Variants in ARHGAP32 observed in about 807,000 individuals in gnomAD.
ARHGAP32 encodes the protein Rho GTPase activating protein 32.
In ARHGAP32, 51 loss-of-function variants were observed where a neutral mutation model predicts 186.5. The ratio of observed to expected loss-of-function variants is 0.27; its 90% CI spans 0.22 to 0.35. ARHGAP32 has a LOEUF of 0.35. ARHGAP32 is among the 10% of genes least tolerant of loss of function. The pLI is 1.00. For missense variants in ARHGAP32, 2,186 were observed against 2,623.5 expected (o/e 0.83, Z 3.64); for synonymous variants, 950 against 964.3 (o/e 0.99, Z 0.27).
At chr11:129,161,163 T>C (rs546386490) in intron 2 of ARHGAP32, among the ~76,000 whole-genome samples, 5 of 152,038 alleles carry the variant, frequency 3.3e-5, no homozygotes, top group Admixed American at 6.6e-5. Flanking sequence ...TCAAAATGAA[T>C]TAAAGACTTA....
intron 10 of ARHGAP32, among the ~76,000 whole-genome samples, chr11:129,059,630 G>A (rs1280554593): frequency 6.6e-6 from 1 of 150,636 alleles, no homozygotes; most frequent in African/African-American, 2.4e-5. Flanking sequence ...CTCCCAAGCA[G>A]CTGGGATTAC....
intron 1 of ARHGAP32, among the ~76,000 whole-genome samples, chr11:129,237,509 G>A (rs935534412): frequency 7.2e-5 from 11 of 152,174 alleles, no homozygotes; most frequent in African/African-American, 2.7e-4. Context: ...AATGAAGAAT[G>A]CTCAGGACTG....
At chr11:129,143,341 G>A (rs1446349984) in intron 2 of ARHGAP32, among the ~76,000 whole-genome samples, 1 of 151,878 alleles carries the variant, frequency 6.6e-6, no homozygotes, top group Non-Finnish European at 1.5e-5. Context: ...AGTTACCCAT[G>A]GTCAACCTCG....
chr11:129,270,633 A>G (rs1945462167), intron 1 of ARHGAP32, among the ~76,000 whole-genome samples: 1 of 151,992 alleles, frequency 6.6e-6, no homozygotes, highest in Non-Finnish European at 1.5e-5. Flanking sequence ...TGGGATGCTG[A>G]TAATGGGGGA....
chr11:129,097,420 A>T (rs1012454449), intron 5 of ARHGAP32, among the ~76,000 whole-genome samples: 2 of 152,198 alleles, frequency 1.3e-5, no homozygotes, highest in African/African-American at 4.8e-5. Context: ...GAAGTTGTGG[A>T]AAAAGTCAAG....
chr11:129,126,531 T>C (rs958403356), intron 2 of ARHGAP32, among the ~76,000 whole-genome samples: 1 of 152,222 alleles, frequency 6.6e-6, no homozygotes, highest in Non-Finnish European at 1.5e-5. Context: ...AGTTTTCATT[T>C]TCTTTCACTT....
intron 1 of ARHGAP32, among the ~76,000 whole-genome samples, chr11:129,224,895 T>A (rs1944758617): frequency 6.6e-6 from 1 of 151,992 alleles, no homozygotes; most frequent in South Asian, 2.1e-4. Context: ...GAGAATCATT[T>A]AAGGTCAGGG....
intron 5 of ARHGAP32, among the ~76,000 whole-genome samples, chr11:129,118,754 G>C (rs1439956925): frequency 6.6e-6 from 1 of 151,966 alleles, no homozygotes; most frequent in Non-Finnish European, 1.5e-5. Context: ...TTATTTAAAA[G>C]GGGTGGAGAA....
chr11:128,973,995 A>C, intron 21 of ARHGAP32, 129 bp downstream of exon 21: 2 of 1,160,410 alleles, frequency 1.7e-6, no homozygotes, highest in South Asian at 1.5e-5. Flanking sequence ...CATCAGCACC[A>C]CCCAGAAAAG....
intron 5 of ARHGAP32, among the ~76,000 whole-genome samples, chr11:129,114,558 T>A (rs476854): frequency 1.3e-5 from 2 of 151,894 alleles, no homozygotes. Flanking sequence ...ACCCTATACA[T>A]GTCTGAATAT....
At chr11:129,045,754 G>T (rs1939780387) in intron 10 of ARHGAP32, among the ~76,000 whole-genome samples, 1 of 152,160 alleles carries the variant, frequency 6.6e-6, no homozygotes, top group Admixed American at 6.5e-5. Context: ...AATTTACATG[G>T]CTGGAAAGGG....
At chr11:129,101,324 A>G (rs912607247) in intron 5 of ARHGAP32, among the ~76,000 whole-genome samples, 14 of 152,200 alleles carry the variant, frequency 9.2e-5, no homozygotes, top group African/African-American at 3.4e-4. Context: ...TTCTCCAAAC[A>G]AATGTATCCT....
At chr11:129,228,198 A>G (rs1159099956) in intron 1 of ARHGAP32, among the ~76,000 whole-genome samples, 1 of 152,184 alleles carries the variant, frequency 6.6e-6, no homozygotes, top group East Asian at 1.9e-4. Context: ...CACAATCACC[A>G]AAACTAATGA....
chr11:129,159,158 G>A (rs1943475653), intron 2 of ARHGAP32, among the ~76,000 whole-genome samples: 1 of 151,998 alleles, frequency 6.6e-6, no homozygotes, highest in African/African-American at 2.4e-5. Context: ...AGAGAAGCAA[G>A]AGCAAACAAA....
intron 1 of ARHGAP32, among the ~76,000 whole-genome samples, chr11:129,240,495 A>T (rs1422264766): frequency 1.3e-5 from 2 of 152,162 alleles, no homozygotes; most frequent in African/African-American, 2.4e-5. Context: ...CTAGGTCTTC[A>T]ATAAATTCAC....
At chr11:129,258,833 T>A (rs12365608) in intron 1 of ARHGAP32, among the ~76,000 whole-genome samples, 73 of 151,976 alleles carry the variant, frequency 4.8e-4, no homozygotes, top group African/African-American at 1.6e-3. Context: ...TAACACATAC[T>A]GGAAAGTTAA....
chr11:129,259,609 A>G (rs12274516), intron 1 of ARHGAP32, among the ~76,000 whole-genome samples: 3,106 of 152,034 alleles, frequency 0.02, 58 homozygotes, highest in African/African-American at 0.045. Context: ...AGTGTGACCC[A>G]GATATAGAAG....
chr11:128,970,111 C>G lies in ARHGAP32; in HGVS notation c.5102G>C (p.Arg1701Pro). ...QLRPLHRLPN[R>P]DFAFYNPRLQ... ...CCTAGGATTGTAGAAAGCAAAGTCT[C>G]GATTGGGAAGGCGGTGAAGGGGTCT... Residue 1701 changes from arginine (R) to proline (P), a missense_variant, in exon 23 of 23, where the codon CGA becomes CCA. Physicochemically the swap from Arg to Pro is moderately radical, Grantham distance 103 (BLOSUM62 -2). Coordinates refer to ENST00000682385, the MANE Select transcript of ARHGAP32 (RefSeq NM_001378024.1). The surrounding 1 kb of genome is among the most constrained non-coding windows in gnomAD (Gnocchi z 5.8). The G allele has an allele frequency of 6.2e-7, 1 of 1,614,170 alleles. No individual in the cohort carries two copies. The highest frequency in any genetic ancestry group is 1.3e-5 in the African/African-American group (1 of 75,036).
At chr11:129,048,559 T>C in intron 10 of ARHGAP32, among the ~76,000 whole-genome samples, 1 of 151,914 alleles carries the variant, frequency 6.6e-6, no homozygotes, top group Non-Finnish European at 1.5e-5. Context: ...TAAGAATATA[T>C]TTGTGACAGG....
Sources: allele counts gnomAD v4.1 joint callset (sites outside exome capture counted in the v4.1 genomes callset), GRCh38; gene constraint gnomAD v4.1.1; non-coding constraint Gnocchi (gnomAD v3.1); transcripts MANE v1.5; gene names NCBI Gene and HGNC (gene_info 2026-07-23, HGNC 2026-07-21).